GRIK2: variants seen among roughly 807,000 people sequenced by gnomAD.
GRIK2 encodes glutamate receptor ionotropic, kainate 2.
Under a neutral mutation model 100.3 loss-of-function variants are expected in GRIK2, and 32 were observed. That is an observed-to-expected ratio of 0.32 (90% CI 0.24 to 0.43). The LOEUF (loss-of-function observed/expected upper bound fraction) is 0.43. GRIK2 is among the 20% of genes least tolerant of loss of function. GRIK2 has a pLI of 1.00. For missense variants in GRIK2, 843 were observed against 1,114.9 expected, an observed-to-expected ratio of 0.76 and a Z score of 3.47; for synonymous variants, 417 against 389.4, an observed-to-expected ratio of 1.07 and a Z score of -0.83.
At chr6:101,624,333 C>A (rs1390224920) in intron 3 of GRIK2, among the ~76,000 whole-genome samples, 1 of 152,016 alleles carries the variant, frequency 6.6e-6, no homozygotes, top group Non-Finnish European at 1.5e-5. Context: ...GAATTAAAAT[C>A]TCATGTTGAG....
intron 2 of GRIK2, among the ~76,000 whole-genome samples, chr6:101,458,716 AG>A (rs904582713): frequency 5.3e-5 from 8 of 152,206 alleles, no homozygotes; most frequent in African/African-American, 1.7e-4. Flanking sequence ...TTCAGCAAGA[AG>A]GGGGTACATT....
At chr6:101,421,501 T>C (rs1006208855) in intron 2 of GRIK2, among the ~76,000 whole-genome samples, 2 of 152,206 alleles carry the variant, frequency 1.3e-5, no homozygotes, top group Non-Finnish European at 2.9e-5. Context: ...ATTAATCCTT[T>C]GTCATTCCAA....
chr6:101,409,673 C>T (rs1252702529), intron 2 of GRIK2, among the ~76,000 whole-genome samples: 1 of 151,988 alleles, frequency 6.6e-6, no homozygotes, highest in Non-Finnish European at 1.5e-5. Flanking sequence ...TGGCCCTTGA[C>T]TTTCCTGTCT....
At chr6:101,900,779 G>A (rs1464996141) in intron 12 of GRIK2, among the ~76,000 whole-genome samples, 2 of 151,938 alleles carry the variant, frequency 1.3e-5, no homozygotes, top group African/African-American at 4.8e-5. Flanking sequence ...GGTAGCTGTG[G>A]CTATTTTTGT....
chr6:101,691,963 G>A (rs1053429153), intron 7 of GRIK2, among the ~76,000 whole-genome samples: 1 of 146,684 alleles, frequency 6.8e-6, no homozygotes, highest in African/African-American at 2.5e-5. Context: ...GAGGTGGGAG[G>A]ATCACTTGAG....
chr6:101,855,581 G>A (rs573056727), intron 10 of GRIK2, among the ~76,000 whole-genome samples: 24 of 152,210 alleles, frequency 1.6e-4, no homozygotes, highest in African/African-American at 5.5e-4. Flanking sequence ...GAGCCAAGAC[G>A]TGGAGTTAGA....
At chr6:101,576,659 G>C (rs944504203) in intron 2 of GRIK2, among the ~76,000 whole-genome samples, 2 of 151,894 alleles carry the variant, frequency 1.3e-5, no homozygotes, top group Non-Finnish European at 2.9e-5. Context: ...GCTAAGTTAA[G>C]CTCTTTTGTT....
intron 2 of GRIK2, among the ~76,000 whole-genome samples, chr6:101,512,750 A>T (rs535928648): frequency 1.3e-5 from 2 of 152,022 alleles, no homozygotes; most frequent in South Asian, 4.1e-4. Flanking sequence ...AATGGCGTTT[A>T]TGATCACCTA....
chr6:101,694,452 A>G (rs897179331), intron 7 of GRIK2, among the ~76,000 whole-genome samples: 4 of 152,166 alleles, frequency 2.6e-5, no homozygotes, highest in Non-Finnish European at 4.4e-5. Flanking sequence ...AAAGATAATT[A>G]TAAATATTCT....
rs541854175 is a variant in GRIK2 at position 101,792,747 on chromosome 6, G to A, written c.952-6901G>A. On this transcript the variant is annotated intron_variant, in intron 7 of 16. Transcript: ENST00000369134. ...TTCTCTGTATTTCCTGAATCTGAAT[G>A]TTGGCCTGCCTTGCTAGGTTGGGGA... 3.3e-5 allele frequency among the ~76,000 whole-genome samples: 5 copies of A among 152,160 alleles called. No individual in the cohort carries two copies. In the East Asian group the frequency reaches 9.7e-4, roughly 29 times the overall value.
intron 7 of GRIK2, among the ~76,000 whole-genome samples, chr6:101,731,121 CAG>C (rs1775238211): frequency 2.6e-5 from 4 of 151,952 alleles, no homozygotes; most frequent in Admixed American, 6.6e-5. Context: ...ATTATCTGAG[CAG>C]TGAAGAAAGT....
At chr6:102,043,273 CTTT>C (rs1430757713) in intron 15 of GRIK2, among the ~76,000 whole-genome samples, 3 of 130,802 alleles carry the variant, frequency 2.3e-5, no homozygotes, top group Admixed American at 7.5e-5. Context: ...ACCTCAGATA[CTTT>C]TTTATGGTGT....
chr6:101,703,536 T>C (rs1262928573), intron 7 of GRIK2, among the ~76,000 whole-genome samples: 14 of 151,786 alleles, frequency 9.2e-5, no homozygotes, highest in Non-Finnish European at 1.5e-5. Context: ...AAAGCTAAGC[T>C]GGACTGTATT....
At chr6:101,675,306 C>CACCACA (rs1554243016) in intron 4 of GRIK2, among the ~76,000 whole-genome samples, 1 of 149,206 alleles carries the variant, frequency 6.7e-6, no homozygotes, top group African/African-American at 2.5e-5. Context: ...CACACACACA[C>CACCACA]CACACACACA....
At chr6:101,827,944 C>T (rs1470493221) in intron 10 of GRIK2, among the ~76,000 whole-genome samples, 1 of 151,964 alleles carries the variant, frequency 6.6e-6, no homozygotes, top group Non-Finnish European at 1.5e-5. Flanking sequence ...TAGGCAGCTA[C>T]AGAATCTTCC....
At chr6:101,840,823 T>C (rs1783447672) in intron 10 of GRIK2, among the ~76,000 whole-genome samples, 1 of 152,212 alleles carries the variant, frequency 6.6e-6, no homozygotes, top group African/African-American at 2.4e-5. Context: ...TTTAACTACT[T>C]TGAGTAATCT....
intron 4 of GRIK2, among the ~76,000 whole-genome samples, chr6:101,627,130 T>C (rs976169632): frequency 1.9e-4 from 28 of 149,304 alleles, no homozygotes; most frequent in Non-Finnish European, 3.7e-4. Flanking sequence ...TGTGTGTGTG[T>C]GTGTGTGTGT....
intron 7 of GRIK2, among the ~76,000 whole-genome samples, chr6:101,735,820 C>A (rs769200623): frequency 6.6e-6 from 1 of 152,186 alleles, no homozygotes; most frequent in Non-Finnish European, 1.5e-5. Context: ...AACAGTCCCT[C>A]AAAGTCTTAA....
At chr6:101,409,499 A>G (rs1775776030) in intron 2 of GRIK2, among the ~76,000 whole-genome samples, 1 of 152,156 alleles carries the variant, frequency 6.6e-6, no homozygotes, top group African/African-American at 2.4e-5. Flanking sequence ...AATAGAATTA[A>G]AAGTTAAGAC....
Sources: gnomAD v4.1 joint callset for allele counts (sites outside exome capture counted in the v4.1 genomes callset) on GRCh38, gnomAD v4.1.1 for gene constraint, MANE v1.5 for transcripts, NCBI Gene and HGNC (gene_info 2026-07-23, HGNC 2026-07-21) for gene names.